DPY19L2: variants seen among roughly 807,000 people sequenced by gnomAD.
DPY19L2 encodes the protein dpy-19 like 2, also known as probable C-mannosyltransferase DPY19L2.
Under a neutral mutation model 97.9 loss-of-function variants are expected in DPY19L2, and 34 were observed. The ratio of observed to expected loss-of-function variants is 0.35; its 90% CI spans 0.26 to 0.46. DPY19L2 has a LOEUF of 0.46. Ranked by LOEUF, DPY19L2 falls within the 20% of genes least tolerant of loss-of-function variation. The pLI, the probability that DPY19L2 is intolerant of heterozygous loss-of-function variation, is 1.00. For synonymous variants in DPY19L2, 230 were observed against 307.9 expected (o/e 0.75, Z 2.65); for missense variants, 623 against 911.4 (o/e 0.68, Z 4.07).
chr12:63,597,418 A>G (rs951056968), intron 14 of DPY19L2, among the ~76,000 whole-genome samples: 1 of 151,988 alleles, frequency 6.6e-6, no homozygotes, highest in African/African-American at 2.4e-5. Context: ...ATGTTATAAT[A>G]TTTGGGGTGT....
intron 3 of DPY19L2, among the ~76,000 whole-genome samples, chr12:63,662,707 CA>C (rs1294001701): frequency 2.0e-5 from 3 of 152,112 alleles, no homozygotes; most frequent in Non-Finnish European, 2.9e-5. Context: ...GATCTGTCAC[CA>C]AAGTCCAGAC....
At chr12:63,565,465 AC>A (rs1877485342) in intron 21 of DPY19L2, among the ~76,000 whole-genome samples, 1 of 151,814 alleles carries the variant, frequency 6.6e-6, no homozygotes, top group Non-Finnish European at 1.5e-5. Context: ...TTGATCTCTT[AC>A]TCGTTTGCCT....
At chr12:63,570,580 C>T (rs1308654708) in intron 20 of DPY19L2, among the ~76,000 whole-genome samples, 178 bp downstream of exon 20, 9 of 151,290 alleles carry the variant, frequency 5.9e-5, no homozygotes, top group Non-Finnish European at 8.8e-5. Flanking sequence ...GCAACAGGTA[C>T]GTATTGTCAT....
chr12:63,586,249 T>C (rs1285771401), intron 16 of DPY19L2, among the ~76,000 whole-genome samples: 1 of 152,022 alleles, frequency 6.6e-6, no homozygotes, highest in Non-Finnish European at 1.5e-5. Flanking sequence ...AACCAATCTA[T>C]CAATCAAATA....
intron 19 of DPY19L2, among the ~76,000 whole-genome samples, chr12:63,575,290 C>T (rs1468760072): frequency 1.3e-5 from 2 of 151,742 alleles, no homozygotes; most frequent in Non-Finnish European, 2.9e-5. Context: ...AAACACAACA[C>T]ATCAAAACCT....
chr12:63,596,857 T>C (rs1259517480), intron 14 of DPY19L2, among the ~76,000 whole-genome samples: 1 of 152,214 alleles, frequency 6.6e-6, no homozygotes, highest in African/African-American at 2.4e-5. Flanking sequence ...TTGGCTTGTG[T>C]GTGCTTTAGG....
At chr12:63,638,552 T>A (rs1444573081) in intron 6 of DPY19L2, among the ~76,000 whole-genome samples, 1 of 152,134 alleles carries the variant, frequency 6.6e-6, no homozygotes, top group Non-Finnish European at 1.5e-5. Context: ...CAACCATTCC[T>A]ATACACCACT....
chr12:63,636,314 T>G (rs1891683986), intron 6 of DPY19L2, among the ~76,000 whole-genome samples: 2 of 152,120 alleles, frequency 1.3e-5, no homozygotes, highest in African/African-American at 4.8e-5. Flanking sequence ...TACCAGCCAC[T>G]GCAAAAACAT....
chr12:63,633,060 T>C (rs1891000587), intron 6 of DPY19L2, among the ~76,000 whole-genome samples: 1 of 152,112 alleles, frequency 6.6e-6, no homozygotes, highest in African/African-American at 2.4e-5. Flanking sequence ...TTACAAAAAT[T>C]AATTCAAGAT....
intron 21 of DPY19L2, among the ~76,000 whole-genome samples, chr12:63,565,260 C>G (rs1367287137): frequency 6.6e-6 from 1 of 152,112 alleles, no homozygotes; most frequent in Admixed American, 6.6e-5. Flanking sequence ...TTGCTTAAAG[C>G]AACATATATT....
Position 63,620,822 on chromosome 12 carries a change from T to C in DPY19L2, c.1053+416A>G, listed in dbSNP as rs1888571967. On this transcript the variant is annotated intron_variant, in intron 9 of 21. Coordinates refer to ENST00000324472, the MANE Select transcript of DPY19L2 (RefSeq NM_173812.5). ...TGGAATTAACCCAAATGCCCATCAG[T>C]GATAGACTGGATAAAGAAAATGTGG... 2.0e-5 allele frequency among the ~76,000 whole-genome samples: 3 copies of C among 152,106 alleles called. No individual in the cohort carries two copies. The South Asian group carries it at 6.2e-4, about 32-fold the overall frequency.
intron 6 of DPY19L2, among the ~76,000 whole-genome samples, chr12:63,636,105 G>GGC (rs1555207372): frequency 1.1e-4 from 2 of 17,664 alleles, no homozygotes; most frequent in East Asian, 2.5e-3. Flanking sequence ...CAAGCCAGAA[G>GGC]GGGGGGCGGC....
intron 13 of DPY19L2, among the ~76,000 whole-genome samples, chr12:63,598,795 C>G (rs951362500): frequency 2.0e-5 from 3 of 151,810 alleles, no homozygotes; most frequent in African/African-American, 7.3e-5. Flanking sequence ...AACCAAACCA[C>G]TATAATTTCA....
At chr12:63,633,643 G>A (rs1488116992) in intron 6 of DPY19L2, among the ~76,000 whole-genome samples, 2 of 152,280 alleles carry the variant, frequency 1.3e-5, no homozygotes, top group African/African-American at 4.8e-5. Context: ...AACCATTGTG[G>A]AAGTCAGAGT....
intron 19 of DPY19L2, among the ~76,000 whole-genome samples, chr12:63,572,590 C>T (rs1043082613): frequency 3.4e-4 from 52 of 152,034 alleles, no homozygotes; most frequent in Non-Finnish European, 7.4e-5. Flanking sequence ...TAGGTGGTGG[C>T]CAGGCAGTAG....
intron 21 of DPY19L2, among the ~76,000 whole-genome samples, chr12:63,561,952 A>G (rs1261892290): frequency 6.6e-6 from 1 of 152,130 alleles, no homozygotes; most frequent in Non-Finnish European, 1.5e-5. Flanking sequence ...TGTAATTTTA[A>G]TCATTATAGT....
At chr12:63,665,362 A>G (rs1257180095) in intron 2 of DPY19L2, among the ~76,000 whole-genome samples, 1 of 151,952 alleles carries the variant, frequency 6.6e-6, no homozygotes, top group African/African-American at 2.4e-5. Flanking sequence ...AATCCCAGCT[A>G]CTTGGAAGGC....
chr12:63,622,525 T>G (rs1888854683), intron 8 of DPY19L2, among the ~76,000 whole-genome samples: 1 of 152,186 alleles, frequency 6.6e-6, no homozygotes, highest in African/African-American at 2.4e-5. Flanking sequence ...TTACCACTCT[T>G]CAATTAGCTT....
intron 16 of DPY19L2, among the ~76,000 whole-genome samples, chr12:63,586,538 G>C (rs1258843724): frequency 1.3e-5 from 2 of 152,200 alleles, no homozygotes; most frequent in Non-Finnish European, 2.9e-5. Flanking sequence ...TCTAGGTACA[G>C]AGCCTGAGTA....
Sources: allele counts gnomAD v4.1 joint callset (sites outside exome capture counted in the v4.1 genomes callset), GRCh38; gene constraint gnomAD v4.1.1; transcripts MANE v1.5; gene names NCBI Gene and HGNC (gene_info 2026-07-23, HGNC 2026-07-21).